The following WNT11 variants were observed in gnomAD, a reference collection of about 807,000 sequenced individuals.
The protein encoded by WNT11 is Wnt family member 11, also known as protein Wnt-11.
Under a neutral mutation model 35.6 loss-of-function variants are expected in WNT11, and 20 were observed. That is an observed-to-expected ratio of 0.56 (90% CI 0.40 to 0.82). The LOEUF is 0.82. WNT11 is among the 40% of genes least tolerant of loss of function. The pLI is 0.00. For missense variants in WNT11, 459 were observed against 504.4 expected (o/e 0.91, Z 0.86); for synonymous variants, 200 against 211.9 (o/e 0.94, Z 0.49).
At chr11:76,188,012 C>T (rs749722282) in intron 4 of WNT11, among the ~76,000 whole-genome samples, 2 of 152,166 alleles carry the variant, frequency 1.3e-5, no homozygotes, top group Non-Finnish European at 2.9e-5. Flanking sequence ...GGATTACAGG[C>T]GTGTGCCACC....
chr11:76,186,806 T>G lies in WNT11; in HGVS notation c.*259A>C. On this transcript the variant is annotated 3_prime_UTR_variant, in exon 5 of 5. Transcript: ENST00000322563. ...CCAAGCCCCGCTCCTTACACCAGCC[T>G]GTGGGCACTCCAGAGCCTCAGGCTG... 1.7e-6 allele frequency: 1 copy of G among 601,156 alleles called. No individual in the cohort carries two copies. The highest frequency in any genetic ancestry group is 1.5e-5 in the South Asian group (1 of 65,864). 37.2% of individuals were successfully genotyped at this position (601,156 alleles called of 1,614,324 possible).
chr11:76,196,335 C>G (rs1953285176), intron 2 of WNT11, 148 bp downstream of exon 2: 2 of 883,148 alleles, frequency 2.3e-6, no homozygotes, highest in East Asian at 5.0e-5. Flanking sequence ...ATACCCCATC[C>G]ATCCATGCCT....
Position 76,186,958 on chromosome 11 carries a change from T to C in WNT11, c.*107A>G, listed in dbSNP as rs1341723482. On this transcript the variant is annotated 3_prime_UTR_variant, in exon 5 of 5. Coordinates refer to ENST00000322563, the MANE Select transcript of WNT11 (RefSeq NM_004626.3). ...CAAGCCGCCTCCCATGCCTGGCATC[T>C]GGAATTCACAAGCAGAGCTCCATGG... 6.5e-7 allele frequency: 1 copy of C among 1,540,194 alleles called. No individual in the cohort carries two copies. The highest frequency in any genetic ancestry group is 8.8e-7 in the Non-Finnish European group (1 of 1,138,200).
intron 1 of WNT11, among the ~76,000 whole-genome samples, chr11:76,200,510 T>A (rs925461988): frequency 6.6e-6 from 1 of 152,174 alleles, no homozygotes; most frequent in Non-Finnish European, 1.5e-5. Context: ...AACAGCTCCA[T>A]ATGGGCATGG....
At position 76,206,497 on chromosome 11, in the gene WNT11, G is replaced by T; in HGVS notation, c.-90C>A. The stretch of plus-strand genomic sequence containing the variant: ...ACGGCCGCCGCTGGTCCTGCACGCC[G>T]CCTGCAGCCGGGGAGAGCGGAGGCG... On this transcript the variant is annotated 5_prime_UTR_variant, in exon 1 of 5. Transcript: ENST00000322563. 8.0e-7 allele frequency: 1 copy of T among 1,257,266 alleles called. No homozygotes were observed. Among genetic ancestry groups the T allele is most frequent in the Non-Finnish European group, 1.0e-6 (1 of 1,001,762 alleles). 77.9% of individuals were successfully genotyped at this position (1,257,266 alleles called of 1,614,324 possible).
chr11:76,204,204 C>A (rs67087083), intron 1 of WNT11, among the ~76,000 whole-genome samples: 5 of 152,084 alleles, frequency 3.3e-5, no homozygotes, highest in Non-Finnish European at 5.9e-5. Context: ...ATACACAGAT[C>A]GTTGTTATTC....
At chr11:76,199,042 A>G (rs180823782) in intron 1 of WNT11, among the ~76,000 whole-genome samples, 2,202 of 152,236 alleles carry the variant, frequency 0.014, 48 homozygotes, top group African/African-American at 0.051. Flanking sequence ...AGGCTGAGGC[A>G]GAATTGCTTG....
Position 76,191,843 on chromosome 11 carries a change from G to A in WNT11, c.611C>T (p.Ser204Phe). 1 of 1,600,234 alleles carries A rather than the reference G, an allele frequency of 6.2e-7. No homozygotes were observed. Among genetic ancestry groups the A allele is most frequent in the East Asian group, 2.2e-5 (1 of 44,796 alleles). ...SEVGRQALRASLEMKCKCHGV... is the reference protein window; with the variant it reads ...SEVGRQALRAFLEMKCKCHGV... ...ATGGCACTTACACTTCATTTCCAGA[G>A]AGGCGCGCAGAGCCTGCGGACAGGG... Residue 204 changes from serine to phenylalanine, a missense_variant, in exon 4 of 5, where the codon TCT becomes TTT. Coordinates refer to ENST00000322563, the MANE Select transcript of WNT11 (RefSeq NM_004626.3).
chr11:76,191,918 C>T, intron 3 of WNT11, 62 bp from the exon 4 acceptor site: 1 of 1,520,950 alleles, frequency 6.6e-7, no homozygotes, highest in Non-Finnish European at 8.8e-7. Flanking sequence ...TGACCCGGGA[C>T]CCCAGCCCCA....
At chr11:76,187,264 C>A (rs1451869836) in intron 4 of WNT11, 25 bp from the exon 5 acceptor site, 2 of 1,588,504 alleles carry the variant, frequency 1.3e-6, no homozygotes, top group Non-Finnish European at 1.7e-6. Flanking sequence ...GGAAGGAGGT[C>A]AGTGCATGCC....
intron 4 of WNT11, among the ~76,000 whole-genome samples, chr11:76,187,993 G>A (rs547289719): frequency 4.9e-4 from 75 of 152,256 alleles, no homozygotes; most frequent in African/African-American, 1.7e-3. Context: ...TCAGCCTCCC[G>A]AGTAGCTGGG....
At position 76,187,130 on chromosome 11, in the gene WNT11, G is replaced by T. The variant is rs1953108552; in HGVS notation, c.1000C>A (p.His334Asn). ...CGGCAGGTGACGTAGCAGCACCAGT[G>T]GTACTTACAGTGGCACCGCTCGACC... ...RVVERCHCKY[H>N]WCCYVTCRRC... The change falls in exon 5 of 5, where the codon CAC (histidine) becomes AAC (asparagine). Residue 334 changes from histidine to asparagine, a missense_variant. By Grantham distance (68) the His-to-Asn change is moderately conservative (BLOSUM62 1). Transcript: ENST00000322563. The T allele has an allele frequency of 6.2e-7, 1 of 1,612,508 alleles. No individual in the cohort carries two copies. The highest frequency in any genetic ancestry group is 8.5e-7 in the Non-Finnish European group (1 of 1,180,030).
chr11:76,187,316 C>T, intron 4 of WNT11, 77 bp from the exon 5 acceptor site: 5 of 1,393,206 alleles, frequency 3.6e-6, no homozygotes, highest in South Asian at 1.6e-5. Context: ...CCCAGCCAGG[C>T]AGCCGGCAGC....
At chr11:76,193,161 C>T (rs561479765) in intron 3 of WNT11, among the ~76,000 whole-genome samples, 5 of 152,384 alleles carry the variant, frequency 3.3e-5, no homozygotes, top group African/African-American at 9.6e-5. Context: ...GAACTAGGTT[C>T]TGCTGCTCAG....
intron 1 of WNT11, among the ~76,000 whole-genome samples, chr11:76,202,391 TGAGTC>T (rs1199677185): frequency 6.6e-6 from 1 of 152,118 alleles, no homozygotes; most frequent in Admixed American, 6.5e-5. Context: ...GGAGAACAAT[TGAGTC>T]GAGGAGATCC....
At chr11:76,190,081 G>GGGAGA (rs1228961265) in intron 4 of WNT11, among the ~76,000 whole-genome samples, 1 of 152,034 alleles carries the variant, frequency 6.6e-6, no homozygotes, top group Non-Finnish European at 1.5e-5. Flanking sequence ...GGGAGGGGAG[G>GGGAGA]GGAGAGGGGA....
upstream of WNT11, chr11:76,210,610 C>T: frequency 1.0e-6 from 1 of 985,268 alleles, no homozygotes; most frequent in South Asian, 4.7e-5. Context: ...TGAAGCGGCG[C>T]GAGAAGGACG....
At chr11:76,187,303 A>AG in intron 4 of WNT11, 64 bp from the exon 5 acceptor site, 1 of 1,459,280 alleles carries the variant, frequency 6.9e-7, no homozygotes, top group Non-Finnish European at 9.1e-7. Flanking sequence ...ACACCCCATG[A>AG]CTCCCAGCCA....
chr11:76,191,170 A>G (rs1381827295), intron 4 of WNT11, among the ~76,000 whole-genome samples: 1 of 152,158 alleles, frequency 6.6e-6, no homozygotes, highest in Non-Finnish European at 1.5e-5. Flanking sequence ...AGCAGGCTGT[A>G]TGGCCTTTAC....
Sources: gnomAD v4.1 joint callset for allele counts (sites outside exome capture counted in the v4.1 genomes callset) on GRCh38, gnomAD v4.1.1 for gene constraint, MANE v1.5 for transcripts, NCBI Gene and HGNC (gene_info 2026-07-23, HGNC 2026-07-21) for gene names.